The following PRKN variants were observed in gnomAD, a reference collection of about 807,000 sequenced individuals.
PRKN encodes E3 ubiquitin-protein ligase parkin.
PRKN carries 56 observed loss-of-function variants against 59.5 expected under a neutral mutation model. The observed-to-expected ratio is 0.94, with a 90% CI of 0.76 to 1.18. The LOEUF (loss-of-function observed/expected upper bound fraction) is 1.18, where lower values mean the gene tolerates loss of function less well. Among genes scored for constraint, PRKN ranks in the 50% most tolerant of loss-of-function variants. PRKN has a pLI of 0.00. For missense variants in PRKN, 657 were observed against 596.4 expected (o/e 1.10, Z -1.06); for synonymous variants, 250 against 222.1 (o/e 1.13, Z -1.12).
At position 161,502,425 on chromosome 6, in the gene PRKN, C is replaced by A. The variant is rs1013575252; in HGVS notation, c.1083+46429G>T. Among the ~76,000 whole-genome samples the A allele has an allele frequency of 1.3e-5, 2 of 152,270 alleles. No individual in the cohort carries two copies. Among genetic ancestry groups the A allele is most frequent in the African/African-American group, 2.4e-5 (1 of 41,554 alleles). On this transcript the variant is annotated intron_variant, in intron 9 of 11. Transcript: ENST00000366898. The surrounding 1 kb of genome is among the most constrained non-coding windows in gnomAD (Gnocchi z 4.0). ...ACTGATGGTAAAGGACCCCTTCTAA[C>A]CAACCCTGGGAAATTAGCAAGGTTT...
At position 161,373,756 on chromosome 6, in the gene PRKN, G is replaced by T. The variant is rs576892471; in HGVS notation, c.1167+13038C>A. Among the ~76,000 whole-genome samples the T allele has an allele frequency of 1.3e-5, 2 of 151,766 alleles. No homozygotes were observed. The highest frequency in any genetic ancestry group is 4.2e-4 in the South Asian group (2 of 4,804). On this transcript the variant is annotated intron_variant, in intron 10 of 11. Coordinates refer to ENST00000366898, the MANE Select transcript of PRKN (RefSeq NM_004562.3). This position sits in a 1 kb window ranked among gnomAD's most constrained non-coding sequence, Gnocchi z 4.8. ...AGGTGAACCGTTTTCCTCACACATG[G>T]TCAACATGCTTTTCTGTGGAGTGAC...
At chr6:161,746,724 GTCTATATCTAGATTCTAGATATGCACA>G (rs1416125252) in intron 7 of PRKN, among the ~76,000 whole-genome samples, 6 of 145,180 alleles carry the variant, frequency 4.1e-5, no homozygotes, top group African/African-American at 1.5e-4. Context: ...AGATATATAT[GTCTATATCTAGATTCTAGATATGCACA>G]TATATATCTA....
chr6:162,024,194 C>CTTTTTTT (rs111595639), intron 5 of PRKN, among the ~76,000 whole-genome samples: 53 of 82,076 alleles, frequency 6.5e-4, no homozygotes, highest in African/African-American at 8.5e-4. Context: ...TCCCCCAACC[C>CTTTTTTT]TTTTTTTTTT....
chr6:162,474,260 A>C (rs1237058196), intron 1 of PRKN, among the ~76,000 whole-genome samples: 1 of 152,208 alleles, frequency 6.6e-6, no homozygotes, highest in African/African-American at 2.4e-5. Flanking sequence ...CTTCTTTTCC[A>C]ATAATACAAC....
At chr6:161,990,693 A>T (rs1325199047) in intron 5 of PRKN, among the ~76,000 whole-genome samples, 1 of 152,154 alleles carries the variant, frequency 6.6e-6, no homozygotes, top group East Asian at 1.9e-4. Context: ...GATCATTTGA[A>T]ATAACCCAGT....
intron 7 of PRKN, among the ~76,000 whole-genome samples, chr6:161,635,542 C>T (rs1783481525): frequency 6.6e-6 from 1 of 152,230 alleles, no homozygotes; most frequent in East Asian, 1.9e-4. Context: ...CATCGGTGTG[C>T]AGGCATTTTT....
At chr6:162,362,751 C>T (rs553334547) in intron 2 of PRKN, among the ~76,000 whole-genome samples, 56 of 152,012 alleles carry the variant, frequency 3.7e-4, no homozygotes, top group Non-Finnish European at 2.4e-4. Flanking sequence ...GGCCAGGGTA[C>T]GTGAGGAAGC....
At chr6:161,944,123 C>CCAGCTTGAGGGATCAGCCTGAGGAAT in intron 6 of PRKN, among the ~76,000 whole-genome samples, 1 of 122,610 alleles carries the variant, frequency 8.2e-6, no homozygotes, top group South Asian at 3.2e-4. Context: ...GCCTGAGGGA[C>CCAGCTTGAGGGATCAGCCTGAGGAAT]CAGCCTGAGG....
At chr6:161,705,722 C>T (rs1282322574) in intron 7 of PRKN, among the ~76,000 whole-genome samples, 1 of 152,090 alleles carries the variant, frequency 6.6e-6, no homozygotes, top group Non-Finnish European at 1.5e-5. Context: ...TATACCGTAC[C>T]AAGCTAAAGG....
rs1035943692 is a variant in PRKN at position 161,804,758 on chromosome 6, G to C, written c.735-18850C>G. Among the ~76,000 whole-genome samples, 14 of 152,304 alleles carry C rather than the reference G, an allele frequency of 9.2e-5. 1 individual carries two copies. In the South Asian group the frequency reaches 1.5e-3, roughly 16 times the overall value. The stretch of plus-strand genomic sequence containing the variant: ...ATAATAACCACAAAACACTGAAAAA[G>C]TTTCAAACATCTTCCAGCACTTGGA... On this transcript the variant is annotated intron_variant, in intron 6 of 11. Transcript: ENST00000366898.
chr6:162,195,354 T>C (rs979647857), intron 4 of PRKN, among the ~76,000 whole-genome samples: 1 of 152,226 alleles, frequency 6.6e-6, no homozygotes, highest in African/African-American at 2.4e-5. Context: ...CTTAGGTCTA[T>C]TCTAAGACTT....
intron 7 of PRKN, among the ~76,000 whole-genome samples, chr6:161,676,284 C>A (rs1424632449): frequency 6.6e-6 from 1 of 152,162 alleles, no homozygotes; most frequent in Non-Finnish European, 1.5e-5. Context: ...ATCAGGGACC[C>A]ACTACATTAA....
chr6:162,503,136 C>CTTTTTTTTTTT (rs10629175), intron 1 of PRKN, among the ~76,000 whole-genome samples: 20 of 81,102 alleles, frequency 2.5e-4, no homozygotes, highest in African/African-American at 4.5e-4. Context: ...GTCTTCATTT[C>CTTTTTTTTTTT]TTTTTTTTTT....
intron 1 of PRKN, among the ~76,000 whole-genome samples, chr6:162,458,524 G>T (rs982626246): frequency 6.6e-6 from 1 of 151,332 alleles, no homozygotes; most frequent in African/African-American, 2.4e-5. Context: ...TTAAGGAAAA[G>T]ATAGTACTAT....
At chr6:162,673,720 A>C (rs929216754) in intron 1 of PRKN, among the ~76,000 whole-genome samples, 2 of 152,160 alleles carry the variant, frequency 1.3e-5, no homozygotes, top group Non-Finnish European at 2.9e-5. Flanking sequence ...AAGTAAGAGA[A>C]AAAACCAAAA....
chr6:162,659,373 T>C (rs966202834), intron 1 of PRKN, among the ~76,000 whole-genome samples: 11 of 152,142 alleles, frequency 7.2e-5, no homozygotes, highest in Non-Finnish European at 1.3e-4. Flanking sequence ...AAAAGAGCTA[T>C]TTCCATTCCT....
At chr6:162,408,528 G>A (rs1006583696) in intron 2 of PRKN, among the ~76,000 whole-genome samples, 2 of 152,144 alleles carry the variant, frequency 1.3e-5, no homozygotes, top group African/African-American at 4.8e-5. Flanking sequence ...AAATTGCTAG[G>A]TCATTCAAGG....
chr6:162,693,313 C>A (rs1777846873), intron 1 of PRKN, among the ~76,000 whole-genome samples: 1 of 152,160 alleles, frequency 6.6e-6, no homozygotes, highest in South Asian at 2.1e-4. Flanking sequence ...ATGCTGCATC[C>A]TCAGTAGAGA....
intron 4 of PRKN, among the ~76,000 whole-genome samples, chr6:162,098,796 A>T (rs898951954): frequency 6.6e-6 from 1 of 152,212 alleles, no homozygotes; most frequent in African/African-American, 2.4e-5. Context: ...CTCATTCCTC[A>T]GTACGTTGGC....
Sources: allele counts gnomAD v4.1 joint callset (sites outside exome capture counted in the v4.1 genomes callset), GRCh38; gene constraint gnomAD v4.1.1; non-coding constraint Gnocchi (gnomAD v3.1); transcripts MANE v1.5; gene names NCBI Gene and HGNC (gene_info 2026-07-23, HGNC 2026-07-21).